The following CHSY3 variants were observed in gnomAD, a reference collection of about 807,000 sequenced individuals.
CHSY3 encodes the protein N-acetylgalactosaminyl-proteoglycan 3-beta-glucuronosyltransferase 3.
CHSY3 carries 35 observed loss-of-function variants against 67.2 expected under a neutral mutation model. That is an observed-to-expected ratio of 0.52 (90% CI 0.40 to 0.69). The LOEUF (loss-of-function observed/expected upper bound fraction) is 0.69, where lower values mean the gene tolerates loss of function less well. Among genes scored for constraint, CHSY3 ranks in the 30% least tolerant of loss-of-function variants. The pLI, the probability that CHSY3 is intolerant of heterozygous loss-of-function variation, is 0.00. For missense variants in CHSY3, 1,069 were observed against 1,138.5 expected (o/e 0.94, Z 0.88); for synonymous variants, 474 against 434.7 (o/e 1.09, Z -1.12).
chr5:129,996,639 C>T (rs1763547722), intron 2 of CHSY3, among the ~76,000 whole-genome samples: 1 of 152,038 alleles, frequency 6.6e-6, no homozygotes, highest in Non-Finnish European at 1.5e-5. Flanking sequence ...TTTGTGTGCT[C>T]TAGTTTTTGA....
chr5:130,184,883 A>C lies in CHSY3; in HGVS notation c.1741A>C (p.Asn581His), dbSNP rs1561575323. The change falls in exon 3 of 3, where the codon AAC (asparagine) becomes CAC (histidine). Residue 581 changes from asparagine to histidine, a missense_variant. By Grantham distance (68) the Asn-to-His change is moderately conservative. Around this residue, in one of 5 missense-constraint regions of CHSY3, gnomAD observed 401 missense variants for 395.2 expected, o/e 1.01. Transcript: ENST00000305031. ...CAGAGAGACCGAAGAGCTAGATGTC[A>C]ACAGTCTTGTGGAGAGTATTAACAG... ...FFRETEELDV[N>H]SLVESINSET... 6.3e-7 allele frequency: 1 copy of C among 1,575,724 alleles called. No individual in the cohort carries two copies. Among genetic ancestry groups the C allele is most frequent in the Non-Finnish European group, 8.7e-7 (1 of 1,145,016 alleles).
rs1770347414 is a variant in CHSY3 at position 130,184,452 on chromosome 5, C to A, written c.1310C>A (p.Thr437Lys). 4 of 1,613,174 alleles carry A rather than the reference C, an allele frequency of 2.5e-6. No individual in the cohort carries two copies. Among genetic ancestry groups the A allele is most frequent in the Non-Finnish European group, 3.4e-6 (4 of 1,179,160 alleles). The stretch of plus-strand genomic sequence containing the variant: ...GCCCTGATGAGCAAGCTCAGTAACA[C>A]AGAAGTGAGCAAAGAGGACCAGCAG... ...ESALMSKLSNTEVSKEDQQLG... is the reference protein window; with the variant it reads ...ESALMSKLSNKEVSKEDQQLG... Residue 437 changes from threonine to lysine, a missense_variant, in exon 3 of 3, where the codon ACA (threonine) becomes AAA (lysine). Coordinates refer to ENST00000305031, the MANE Select transcript of CHSY3 (RefSeq NM_175856.5).
chr5:130,127,319 A>ACAT (rs1464656992), intron 2 of CHSY3, among the ~76,000 whole-genome samples: 3 of 152,112 alleles, frequency 2.0e-5, no homozygotes, highest in African/African-American at 7.2e-5. Context: ...ACACTTCCCC[A>ACAT]CATTATTTCT....
At chr5:129,975,425 A>G (rs904256498) in intron 2 of CHSY3, among the ~76,000 whole-genome samples, 3 of 152,148 alleles carry the variant, frequency 2.0e-5, no homozygotes, top group Admixed American at 2.0e-4. Flanking sequence ...GTTGAAGAAC[A>G]CAAAGCATTG....
At position 129,904,969 on chromosome 5, in the gene CHSY3, A is replaced by G; in HGVS notation, c.140A>G (p.Tyr47Cys). 1 of 1,566,392 alleles carries G rather than the reference A, an allele frequency of 6.4e-7. No homozygotes were observed. Among genetic ancestry groups the G allele is most frequent in the African/African-American group, 1.4e-5 (1 of 73,826 alleles). Residue 47 changes from tyrosine (Y) to cysteine (C), a missense_variant, in exon 1 of 3, where the codon TAC becomes TGC. Tyr to Cys is a radical substitution (Grantham distance 194). Coordinates refer to ENST00000305031, the MANE Select transcript of CHSY3 (RefSeq NM_175856.5). ...RKRRGSSLCS[Y>C]YGRSAAGPRA... is the part of the protein sequence containing the mutation. ...AGACGTGGCTCCAGCCTCTGCTCCT[A>G]CTACGGTCGCTCTGCTGCTGGCCCC...
intron 2 of CHSY3, among the ~76,000 whole-genome samples, chr5:130,151,157 T>C (rs1383906194): frequency 6.6e-6 from 1 of 152,230 alleles, no homozygotes; most frequent in Non-Finnish European, 1.5e-5. Flanking sequence ...ACATTTGGAA[T>C]GTGCATGCTG....
intron 2 of CHSY3, among the ~76,000 whole-genome samples, chr5:130,086,626 A>T (rs1766639246): frequency 6.6e-6 from 1 of 152,150 alleles, no homozygotes; most frequent in South Asian, 2.1e-4. Flanking sequence ...GAAGAAATGG[A>T]TAAATTCCTC....
At chr5:130,005,954 T>C (rs1214170220) in intron 2 of CHSY3, among the ~76,000 whole-genome samples, 1 of 152,196 alleles carries the variant, frequency 6.6e-6, no homozygotes, top group African/African-American at 2.4e-5. Flanking sequence ...TTACTACAGA[T>C]AATGGGAATC....
At chr5:130,000,256 C>T (rs1461894492) in intron 2 of CHSY3, among the ~76,000 whole-genome samples, 2 of 152,102 alleles carry the variant, frequency 1.3e-5, no homozygotes, top group African/African-American at 2.4e-5. Context: ...TTTAGTGTAA[C>T]GTTTTGAAAG....
intron 2 of CHSY3, 118 bp from the exon 3 acceptor site, chr5:130,184,111 G>T: frequency 1.0e-6 from 1 of 953,760 alleles, no homozygotes; most frequent in Non-Finnish European, 1.4e-6. Context: ...TTTTTGTTAT[G>T]AAATACCATA....
At chr5:129,935,313 G>T (rs1281726237) in intron 2 of CHSY3, among the ~76,000 whole-genome samples, 2 of 152,040 alleles carry the variant, frequency 1.3e-5, no homozygotes, top group Non-Finnish European at 2.9e-5. Context: ...GATCAAAGAC[G>T]TTTTTTGTTT....
chr5:129,937,406 C>T (rs1761533837), intron 2 of CHSY3, among the ~76,000 whole-genome samples: 1 of 152,180 alleles, frequency 6.6e-6, no homozygotes, highest in Non-Finnish European at 1.5e-5. Context: ...CACCAAGCCC[C>T]TCCTCCAACA....
At chr5:129,924,702 G>C (rs930894406) in intron 2 of CHSY3, among the ~76,000 whole-genome samples, 7 of 150,506 alleles carry the variant, frequency 4.7e-5, no homozygotes, top group Admixed American at 4.0e-4. Context: ...CCAGTACCTA[G>C]ATATCATCTT....
chr5:129,962,271 A>G (rs1469244189), intron 2 of CHSY3, among the ~76,000 whole-genome samples: 1 of 151,906 alleles, frequency 6.6e-6, no homozygotes, highest in Admixed American at 6.6e-5. Context: ...CCACCAAGCC[A>G]ATTGAACAGA....
chr5:129,997,882 G>C (rs1419302319), intron 2 of CHSY3, among the ~76,000 whole-genome samples: 1 of 152,098 alleles, frequency 6.6e-6, no homozygotes, highest in Non-Finnish European at 1.5e-5. Flanking sequence ...GTGTATATGT[G>C]CCACATTTTC....
intron 2 of CHSY3, among the ~76,000 whole-genome samples, chr5:130,085,665 T>G (rs1766592591): frequency 6.6e-6 from 1 of 151,716 alleles, no homozygotes. Context: ...TTGAATGTGT[T>G]TGCTCTTGCT....
intron 2 of CHSY3, among the ~76,000 whole-genome samples, chr5:129,969,538 T>C (rs1762576071): frequency 6.6e-6 from 1 of 151,878 alleles, no homozygotes; most frequent in Non-Finnish European, 1.5e-5. Flanking sequence ...ATATCAGTTA[T>C]TTGCTTGTGA....
chr5:130,115,595 C>T (rs1018334596), intron 2 of CHSY3, among the ~76,000 whole-genome samples: 1 of 152,062 alleles, frequency 6.6e-6, no homozygotes, highest in African/African-American at 2.4e-5. Context: ...ACGATTCAGC[C>T]ATTCTCTTTG....
chr5:129,919,640 G>A (rs1053306938), intron 2 of CHSY3, among the ~76,000 whole-genome samples: 1 of 152,118 alleles, frequency 6.6e-6, no homozygotes, highest in Non-Finnish European at 1.5e-5. Flanking sequence ...AGAACAGTAT[G>A]AGGGAAACGG....
Sources: allele counts gnomAD v4.1 joint callset (sites outside exome capture counted in the v4.1 genomes callset), GRCh38; gene constraint gnomAD v4.1.1; regional missense constraint gnomAD v4.1.1; transcripts MANE v1.5; gene names NCBI Gene and HGNC (gene_info 2026-07-23, HGNC 2026-07-21).